BBS9: variants seen among roughly 807,000 people sequenced by gnomAD.
The protein encoded by BBS9 is protein PTHB1.
BBS9 carries 89 observed loss-of-function variants against 117.7 expected under a neutral mutation model. That is an observed-to-expected ratio of 0.76 (90% CI 0.64 to 0.90). The LOEUF is 0.90. BBS9 is among the 40% of genes least tolerant of loss of function. BBS9 has a pLI of 0.00. For missense variants in BBS9, 982 were observed against 1,042.2 expected, an observed-to-expected ratio of 0.94 and a Z score of 0.80; for synonymous variants, 379 against 370.9, an observed-to-expected ratio of 1.02 and a Z score of -0.25.
chr7:33,404,215 G>A (rs1829489749), intron 19 of BBS9, among the ~76,000 whole-genome samples: 1 of 151,916 alleles, frequency 6.6e-6, no homozygotes, highest in Admixed American at 6.6e-5. Context: ...CTCTGTTTTG[G>A]TACCAGTACC....
At chr7:33,414,382 C>T (rs1187668606) in intron 19 of BBS9, among the ~76,000 whole-genome samples, 1 of 152,004 alleles carries the variant, frequency 6.6e-6, no homozygotes, top group Non-Finnish European at 1.5e-5. Context: ...TACTTTTAAA[C>T]AAAGCTTTTT....
chr7:33,499,198 C>G (rs1845126484), intron 19 of BBS9, among the ~76,000 whole-genome samples: 1 of 152,170 alleles, frequency 6.6e-6, no homozygotes, highest in African/African-American at 2.4e-5. Flanking sequence ...AACACATCAT[C>G]CAAAAGTAGT....
chr7:33,539,882 A>G (rs1042190342), intron 21 of BBS9, among the ~76,000 whole-genome samples: 2 of 152,206 alleles, frequency 1.3e-5, no homozygotes, highest in Non-Finnish European at 1.5e-5. Flanking sequence ...ATTTGCAGTA[A>G]TTTCCTACAG....
rs185164579 is a variant in BBS9 at position 33,329,725 on chromosome 7, T to C, written c.1017-6716T>C. The stretch of plus-strand genomic sequence containing the variant: ...TAAAAGGATTATAACAAATTTACAT[T>C]GGTATCAAAAGTATATGAGAGTATG... On this transcript the variant is annotated intron_variant, in intron 9 of 22. Coordinates refer to ENST00000242067, the MANE Select transcript of BBS9 (RefSeq NM_198428.3). Among the ~76,000 whole-genome samples the C allele has an allele frequency of 2.0e-5, 3 of 152,338 alleles. No homozygotes were observed. The East Asian group carries it at 5.8e-4, about 29-fold the overall frequency.
chr7:33,537,646 G>A (rs1479792286), intron 21 of BBS9, among the ~76,000 whole-genome samples: 1 of 152,174 alleles, frequency 6.6e-6, no homozygotes. Flanking sequence ...AAATCTGAGT[G>A]TAAGTGATTT....
At chr7:33,311,591 C>A in intron 9 of BBS9, among the ~76,000 whole-genome samples, 1 of 152,058 alleles carries the variant, frequency 6.6e-6, no homozygotes, top group East Asian at 1.9e-4. Flanking sequence ...CCGAGGCAGG[C>A]AGATCACTTG....
chr7:33,252,316 C>G (rs1303565153), intron 5 of BBS9, among the ~76,000 whole-genome samples: 1 of 152,150 alleles, frequency 6.6e-6, no homozygotes, highest in East Asian at 1.9e-4. Flanking sequence ...TGGACAGGGA[C>G]ACAGATCCAA....
At chr7:33,259,421 G>C (rs1042250373) in intron 6 of BBS9, among the ~76,000 whole-genome samples, 2 of 152,096 alleles carry the variant, frequency 1.3e-5, no homozygotes, top group Non-Finnish European at 2.9e-5. Context: ...CTTTTAATAG[G>C]TTAGGGGATA....
intron 21 of BBS9, among the ~76,000 whole-genome samples, chr7:33,574,723 A>ACG (rs1164018055): frequency 2.7e-5 from 4 of 147,476 alleles, no homozygotes; most frequent in Non-Finnish European, 6.0e-5. Flanking sequence ...ACACACACAC[A>ACG]CACGCGCACA....
intron 21 of BBS9, among the ~76,000 whole-genome samples, chr7:33,624,946 A>G (rs562995499): frequency 3.3e-5 from 5 of 152,298 alleles, no homozygotes; most frequent in African/African-American, 1.2e-4. Flanking sequence ...ACCCTGGGTT[A>G]AGAAATGTGT....
At chr7:33,320,129 T>A (rs1213293834) in intron 9 of BBS9, among the ~76,000 whole-genome samples, 1 of 152,138 alleles carries the variant, frequency 6.6e-6, no homozygotes, top group Non-Finnish European at 1.5e-5. Context: ...ACTCTTTAGC[T>A]AAATATACAA....
intron 4 of BBS9, among the ~76,000 whole-genome samples, chr7:33,164,461 G>A (rs1426033435): frequency 6.6e-6 from 1 of 152,188 alleles, no homozygotes; most frequent in African/African-American, 2.4e-5. Flanking sequence ...TTGTGTGGGA[G>A]TCTAAGTCTC....
chr7:33,409,027 A>G (rs1033041028), intron 19 of BBS9, among the ~76,000 whole-genome samples: 2 of 152,194 alleles, frequency 1.3e-5, no homozygotes, highest in African/African-American at 4.8e-5. Context: ...CTGTCTGTTC[A>G]TGTCCATTGC....
intron 5 of BBS9, among the ~76,000 whole-genome samples, chr7:33,180,356 T>C (rs1797921235): frequency 7.2e-6 from 1 of 138,066 alleles, no homozygotes; most frequent in Admixed American, 7.4e-5. Flanking sequence ...ATTGCCTTGC[T>C]GAGAATTTTT....
chr7:33,399,054 G>A (rs1828491031), intron 19 of BBS9, among the ~76,000 whole-genome samples: 1 of 152,034 alleles, frequency 6.6e-6, no homozygotes, highest in South Asian at 2.1e-4. Flanking sequence ...TATTAATGAG[G>A]TATTTTATAT....
At chr7:33,157,098 A>G (rs952178358) in intron 4 of BBS9, among the ~76,000 whole-genome samples, 1 of 152,128 alleles carries the variant, frequency 6.6e-6, no homozygotes, top group African/African-American at 2.4e-5. Flanking sequence ...GGGGGCTCTA[A>G]GCAGGGCAGA....
chr7:33,597,069 TCACA>T (rs58511454), intron 21 of BBS9, among the ~76,000 whole-genome samples: 18,798 of 138,684 alleles, frequency 0.14, 1,466 homozygotes, highest in East Asian at 0.31. Context: ...TCTCTCTCTG[TCACA>T]CACACACACA....
intron 20 of BBS9, among the ~76,000 whole-genome samples, chr7:33,527,139 T>C (rs987625767): frequency 3.3e-5 from 5 of 152,014 alleles, no homozygotes; most frequent in Admixed American, 2.6e-4. Context: ...GGAGAACCGC[T>C]GCTCTCTTCA....
chr7:33,311,951 T>C (rs1160239887), intron 9 of BBS9, among the ~76,000 whole-genome samples: 1 of 152,210 alleles, frequency 6.6e-6, no homozygotes, highest in Non-Finnish European at 1.5e-5. Context: ...CCATATGGCA[T>C]ATTAAAAGCA....
Sources: gnomAD v4.1 joint callset for allele counts (sites outside exome capture counted in the v4.1 genomes callset) on GRCh38, gnomAD v4.1.1 for gene constraint, MANE v1.5 for transcripts, NCBI Gene and HGNC (gene_info 2026-07-23, HGNC 2026-07-21) for gene names.